Variants in EFNB3 observed in about 807,000 individuals in gnomAD.
EFNB3 encodes the protein ephrin-B3.
In EFNB3, 14 loss-of-function variants were observed where a neutral mutation model predicts 29.8. That is an observed-to-expected ratio of 0.47 (90% CI 0.31 to 0.73). The LOEUF is 0.73. EFNB3 is among the 30% of genes least tolerant of loss of function. The probability of loss-of-function intolerance (pLI) is 0.05; values close to 1 mark genes in which losing one functional copy is unlikely to be tolerated. For synonymous variants in EFNB3, 216 were observed against 191.6 expected (o/e 1.13, Z -1.05); for missense variants, 408 against 458.0 (o/e 0.89, Z 1.00).
chr17:7,707,686 T>C (rs2074332074), intron 1 of EFNB3, among the ~76,000 whole-genome samples: 1 of 152,032 alleles, frequency 6.6e-6, no homozygotes, highest in African/African-American at 2.4e-5. Flanking sequence ...GAGATGGCGG[T>C]GTGCATGTGG....
Position 7,705,676 on chromosome 17 carries a change from T to C in EFNB3, c.78T>C (p.Ser26=), listed in dbSNP as rs2151098903. 2 of 1,536,972 alleles carry C rather than the reference T, an allele frequency of 1.3e-6. No individual in the cohort carries two copies. The highest frequency in any genetic ancestry group is 1.4e-5 in the African/African-American group (1 of 69,582). Reference sequence around the variant, plus strand: ...TGCTGGGGGTTTTGGGGCTGGTGTCTGGGCTCAGCCTGGAGCCTGTCTACT... The same window carrying C: ...TGCTGGGGGTTTTGGGGCTGGTGTCCGGGCTCAGCCTGGAGCCTGTCTACT... The part of the protein sequence containing the change: ...LLLLGVLGLV[S]GLSLEPVYWN... The change falls in exon 1 of 5, where the codon TCT becomes TCC. Residue 26 remains serine, a synonymous_variant. Transcript: ENST00000226091. The surrounding 1 kb of genome is among the most constrained non-coding windows in gnomAD (Gnocchi z 5.4).
chr17:7,709,312 A>C lies in EFNB3; in HGVS notation c.759A>C (p.Arg253Ser), dbSNP rs1184967020. ...AGAGGAMCWR[R>S]RRAKPSESRH... is the part of the protein sequence containing the mutation. The stretch of plus-strand genomic sequence containing the variant: ...CTGGGGGTGCCATGTGTTGGCGGAG[A>C]CGGCGGGCCAAGCCTTCGGAGAGTC... The change falls in exon 5 of 5, where the codon AGA (arginine) becomes AGC (serine). Residue 253 changes from arginine to serine, a missense_variant. Physicochemically the swap from Arg to Ser is moderately radical, Grantham distance 110. This residue lies in a region of EFNB3 where 233 missense variants were observed against 230.7 expected (regional missense o/e 1.01). Transcript: ENST00000226091. The surrounding 1 kb of genome is among the most constrained non-coding windows in gnomAD (Gnocchi z 4.5). 6.4e-7 allele frequency: 1 copy of C among 1,568,180 alleles called. No homozygotes were observed. The highest frequency in any genetic ancestry group is 1.9e-5 in the Admixed American group (1 of 52,342).
intron 1 of EFNB3, among the ~76,000 whole-genome samples, chr17:7,706,213 T>C (rs1002054481): frequency 2.0e-5 from 3 of 150,854 alleles, no homozygotes; most frequent in Non-Finnish European, 4.4e-5. Flanking sequence ...CAAGGCTCCT[T>C]GACTCTCTTC....
chr17:7,711,017 C>G lies in EFNB3; in HGVS notation c.*1441C>G, dbSNP rs2074347845. On this transcript the variant is annotated 3_prime_UTR_variant, in exon 5 of 5. Coordinates refer to ENST00000226091, the MANE Select transcript of EFNB3 (RefSeq NM_001406.4). ...AGCTGACAGTGGTACTTAGCAAAGGCCACTGTTTCCATAGTGACCAGCTGA... is the reference window on the plus strand; with the variant it reads ...AGCTGACAGTGGTACTTAGCAAAGGGCACTGTTTCCATAGTGACCAGCTGA... The G allele has an allele frequency of 6.6e-6, 1 of 152,608 alleles. No individual in the cohort carries two copies. Among genetic ancestry groups the G allele is most frequent in the Non-Finnish European group, 1.5e-5 (1 of 68,042 alleles). 9.5% of individuals were successfully genotyped at this position (152,608 alleles called of 1,614,324 possible).
At position 7,708,257 on chromosome 17, in the gene EFNB3, CT is replaced by C. The variant is rs768044824; in HGVS notation, c.415+8del. 70 of 1,607,978 alleles carry C rather than the reference CT, an allele frequency of 4.4e-5. No individual in the cohort carries two copies. Among genetic ancestry groups the C allele is most frequent in the Non-Finnish European group, 5.9e-5 (69 of 1,179,060 alleles). On this transcript the variant is annotated splice_region_variant and intron_variant, in intron 2 of 4. Coordinates refer to ENST00000226091, the MANE Select transcript of EFNB3 (RefSeq NM_001406.4). This position sits in a 1 kb window ranked among gnomAD's most constrained non-coding sequence, Gnocchi z 6.8. ...CACGATTACTACATCATTGGTACTGCTGGGCAGAGGGCACGATTGAGTGGGG... is the reference window on the plus strand; with the variant it reads ...CACGATTACTACATCATTGGTACTGCGGGCAGAGGGCACGATTGAGTGGGG...
rs1417824769 is a variant in EFNB3 at position 7,708,291 on chromosome 17, G to C, written c.415+41G>C. 6.3e-7 allele frequency: 1 copy of C among 1,598,284 alleles called. No homozygotes were observed. Among genetic ancestry groups the C allele is most frequent in the Non-Finnish European group, 8.5e-7 (1 of 1,172,706 alleles). ...GGGCACGATTGAGTGGGGGGCTCCT[G>C]ATACTGAGCAGAGAGGGAGGGGGAC... On this transcript the variant is annotated intron_variant, in intron 2 of 4. Transcript: ENST00000226091. The surrounding 1 kb of genome is among the most constrained non-coding windows in gnomAD (Gnocchi z 6.8).
chr17:7,710,250 C>G lies in EFNB3; in HGVS notation c.*674C>G, dbSNP rs1041004282. The G allele has an allele frequency of 2.5e-5, 4 of 158,620 alleles. No individual in the cohort carries two copies. The highest frequency in any genetic ancestry group is 9.6e-5 in the African/African-American group (4 of 41,500). The allele number at this position is 158,620 out of a possible 1,614,324, so 9.8% of individuals were successfully genotyped here. A position where few individuals can be genotyped will look rare whatever the true frequency, so the allele number is the denominator to read the frequency against. ...AGCAGGGCTCCATTCTCTGGCCTGGCCCAGGCCTCTACATACTTACTCCAG... is the reference window on the plus strand; with the variant it reads ...AGCAGGGCTCCATTCTCTGGCCTGGGCCAGGCCTCTACATACTTACTCCAG... On this transcript the variant is annotated 3_prime_UTR_variant, in exon 5 of 5. Transcript: ENST00000226091.
Position 7,708,272 on chromosome 17 carries a change from G to A in EFNB3, c.415+22G>A, listed in dbSNP as rs376541817. On this transcript the variant is annotated intron_variant, in intron 2 of 4. Transcript: ENST00000226091. The surrounding 1 kb of genome is among the most constrained non-coding windows in gnomAD (Gnocchi z 6.8). The stretch of plus-strand genomic sequence containing the variant: ...ATTGGTACTGCTGGGCAGAGGGCAC[G>A]ATTGAGTGGGGGGCTCCTGATACTG... 144 of 1,604,526 alleles carry A rather than the reference G, an allele frequency of 9.0e-5. 1 individual carries two copies. Among genetic ancestry groups the A allele is most frequent in the Non-Finnish European group, 1.2e-4 (137 of 1,176,824 alleles).
In EFNB3 at chr17:7,708,563, G is replaced by C. The variant is rs2074335949; in HGVS notation, c.508+36G>C. 1 of 1,605,562 alleles carries C rather than the reference G, an allele frequency of 6.2e-7. No homozygotes were observed. The highest frequency in any genetic ancestry group is 2.2e-5 in the East Asian group (1 of 44,692). On this transcript the variant is annotated intron_variant, in intron 3 of 4. Coordinates refer to ENST00000226091, the MANE Select transcript of EFNB3 (RefSeq NM_001406.4). This position sits in a 1 kb window ranked among gnomAD's most constrained non-coding sequence, Gnocchi z 6.8. ...CTGGGGGACACCTCCTGGGCACGAAGGGACGTTGGGGCAGTACGATCATGG... is the reference window on the plus strand; with the variant it reads ...CTGGGGGACACCTCCTGGGCACGAACGGACGTTGGGGCAGTACGATCATGG...
Position 7,709,213 on chromosome 17 carries a change from G to T in EFNB3, c.660G>T (p.Leu220=). 2 of 1,603,608 alleles carry T rather than the reference G, an allele frequency of 1.2e-6. No individual in the cohort carries two copies. Among genetic ancestry groups the T allele is most frequent in the South Asian group, 1.1e-5 (1 of 90,578 alleles). Residue 220 remains leucine (L), a synonymous_variant, in exon 5 of 5, where the codon CTG becomes CTT. Transcript: ENST00000226091. The surrounding 1 kb of genome is among the most constrained non-coding windows in gnomAD (Gnocchi z 4.5). ...NATSRGAEGP[L]PPPSMPAVAG... ...CCTCCCGGGGTGCTGAAGGCCCCCTGCCCCCTCCCAGCATGCCTGCAGTGG... is the reference window on the plus strand; with the variant it reads ...CCTCCCGGGGTGCTGAAGGCCCCCTTCCCCCTCCCAGCATGCCTGCAGTGG...
At chr17:7,706,690 C>A (rs192144087) in intron 1 of EFNB3, among the ~76,000 whole-genome samples, 1 of 152,322 alleles carries the variant, frequency 6.6e-6, no homozygotes, top group East Asian at 1.9e-4. Flanking sequence ...CCTAGCTCTG[C>A]CGCTTTCAGC....
In EFNB3 at chr17:7,708,867, G is replaced by A; in HGVS notation, c.613+128G>A. 8.8e-6 allele frequency: 5 copies of A among 565,810 alleles called. No homozygotes were observed. Among genetic ancestry groups the A allele is most frequent in the South Asian group, 8.1e-5 (4 of 49,604 alleles). The allele number at this position is 565,810 out of a possible 1,614,324, so 35.0% of individuals were successfully genotyped here. A position where few individuals can be genotyped will look rare whatever the true frequency, so the allele number is the denominator to read the frequency against. ...TGATACAGGAAAGAGGAGAAGAGAG[G>A]ATGGGAGGGTGGGAGGGGAATGGAA... On this transcript the variant is annotated intron_variant, in intron 4 of 4. Coordinates refer to ENST00000226091, the MANE Select transcript of EFNB3 (RefSeq NM_001406.4). The surrounding 1 kb of genome is among the most constrained non-coding windows in gnomAD (Gnocchi z 6.8).
Position 7,705,265 on chromosome 17 carries a change from C to G in EFNB3, c.-334C>G, listed in dbSNP as rs2074322708. The stretch of plus-strand genomic sequence containing the variant: ...GGCTGGGGCTCCGGCTCGGCGCCCC[C>G]TTCCTCGCTCCCTGGTCCGGCGCCC... On this transcript the variant is annotated 5_prime_UTR_variant, in exon 1 of 5. Transcript: ENST00000226091. The surrounding 1 kb of genome is among the most constrained non-coding windows in gnomAD (Gnocchi z 5.4). 1 of 185,226 alleles carries G rather than the reference C, an allele frequency of 5.4e-6. No homozygotes were observed. Among genetic ancestry groups the G allele is most frequent in the Non-Finnish European group, 1.1e-5 (1 of 90,522 alleles). The allele number at this position is 185,226 out of a possible 1,614,324, so 11.5% of individuals were successfully genotyped here. A position where few individuals can be genotyped will look rare whatever the true frequency, so the allele number is the denominator to read the frequency against.
At chr17:7,707,260 A>G (rs1321390187) in intron 1 of EFNB3, among the ~76,000 whole-genome samples, 2 of 152,174 alleles carry the variant, frequency 1.3e-5, no homozygotes, top group Admixed American at 6.5e-5. Context: ...TGGTTAGAAA[A>G]GTCAACTCCT....
rs1352105274 is a variant in EFNB3, at chr17:7,708,473, C to T, written c.454C>T (p.Gln152Ter). The T allele has an allele frequency of 1.2e-6, 2 of 1,613,864 alleles. No individual in the cohort carries two copies. Among genetic ancestry groups the T allele is most frequent in the South Asian group, 2.2e-5 (2 of 91,002 alleles). The change falls in exon 3 of 5, where the codon CAG (glutamine) becomes TAG (stop). Residue 152 changes from glutamine to a stop codon, truncating the protein, a stop_gained. Transcript: ENST00000226091. LOFTEE classifies it high-confidence loss of function. This position sits in a 1 kb window ranked among gnomAD's most constrained non-coding sequence, Gnocchi z 6.8. ...GACCCGGGAGGGCCTGGAGAGCCTG[C>T]AGGGAGGTGTGTGCCTAACCAGAGG... Reference protein sequence around the residue: ...DGTREGLESLQGGVCLTRGMK... With the variant: ...DGTREGLESL
In EFNB3 at chr17:7,709,849, T is replaced by A; in HGVS notation, c.*273T>A. 1.8e-6 allele frequency: 1 copy of A among 545,936 alleles called. No homozygotes were observed. Among genetic ancestry groups the A allele is most frequent in the Non-Finnish European group, 3.2e-6 (1 of 308,212 alleles). The allele number at this position is 545,936 out of a possible 1,614,324, so 33.8% of individuals were successfully genotyped here. ...GGGGAGGGGCACAGGCTCAGCCTCC[T>A]CTCTGACCATGACCCAGGCATCCTT... On this transcript the variant is annotated 3_prime_UTR_variant, in exon 5 of 5. Transcript: ENST00000226091. The surrounding 1 kb of genome is among the most constrained non-coding windows in gnomAD (Gnocchi z 4.5).
intron 1 of EFNB3, among the ~76,000 whole-genome samples, chr17:7,707,422 T>C (rs573058073): frequency 6.6e-6 from 1 of 152,296 alleles, no homozygotes; most frequent in South Asian, 2.1e-4. Context: ...TTGCCTTCTG[T>C]GCTATTAGCT....
rs1438590624 is a variant in EFNB3 at position 7,708,769 on chromosome 17, C to T, written c.613+30C>T. 6.6e-7 allele frequency: 1 copy of T among 1,508,396 alleles called. No individual in the cohort carries two copies. Among genetic ancestry groups the T allele is most frequent in the South Asian group, 1.3e-5 (1 of 79,728 alleles). 93.4% of individuals were successfully genotyped at this position (1,508,396 alleles called of 1,614,324 possible). A position where few individuals can be genotyped will look rare whatever the true frequency, so the allele number is the denominator to read the frequency against. Reference sequence around the variant, plus strand: ...GAACCAGGGGCTAGGCCCCTGCCTTCCCCAGCTTCCTCTGCTCTCAGACCC... The same window carrying T: ...GAACCAGGGGCTAGGCCCCTGCCTTTCCCAGCTTCCTCTGCTCTCAGACCC... On this transcript the variant is annotated intron_variant, in intron 4 of 4. Transcript: ENST00000226091. This position sits in a 1 kb window ranked among gnomAD's most constrained non-coding sequence, Gnocchi z 6.8.
rs562472485 is a variant in EFNB3, at chr17:7,708,089, G to A, written c.254G>A (p.Gly85Glu). The A allele has an allele frequency of 1.9e-6, 3 of 1,614,102 alleles. No individual in the cohort carries two copies. The highest frequency in any genetic ancestry group is 3.3e-5 in the Admixed American group (2 of 60,020). The change falls in exon 2 of 5, where the codon GGG (glycine) becomes GAG (glutamate). Residue 85 changes from glycine (G) to glutamate (E), a missense_variant. Physicochemically the swap from Gly to Glu is moderately conservative, Grantham distance 98. Around this residue, in one of 3 missense-constraint regions of EFNB3, gnomAD observed 128 missense variants for 140.8 expected, o/e 0.91. Coordinates refer to ENST00000226091, the MANE Select transcript of EFNB3 (RefSeq NM_001406.4). The surrounding 1 kb of genome is among the most constrained non-coding windows in gnomAD (Gnocchi z 6.8). ...NYEFYKLYLV[G>E]GAQGRRCEAP... ...GAGTTCTACAAGCTGTACCTGGTAG[G>A]GGGTGCTCAGGGCCGGCGCTGTGAG...
Sources: gnomAD v4.1 joint callset for allele counts (sites outside exome capture counted in the v4.1 genomes callset) on GRCh38, gnomAD v4.1.1 for gene constraint, gnomAD v4.1.1 regional missense constraint, Gnocchi (gnomAD v3.1) non-coding constraint, MANE v1.5 for transcripts, NCBI Gene and HGNC (gene_info 2026-07-23, HGNC 2026-07-21) for gene names.